The following DIS3L2 variants were observed in gnomAD, a reference collection of about 807,000 sequenced individuals.
The protein encoded by DIS3L2 is DIS3 like 3'-5' exoribonuclease 2, also known as DIS3-like exonuclease 2.
Under a neutral mutation model 97.5 loss-of-function variants are expected in DIS3L2, and 34 were observed. The observed-to-expected ratio is 0.35, with a 90% CI of 0.27 to 0.46. The LOEUF (loss-of-function observed/expected upper bound fraction) is 0.46, where lower values mean the gene tolerates loss of function less well. Ranked by LOEUF, DIS3L2 falls within the 20% of genes least tolerant of loss-of-function variation. The pLI, the probability that DIS3L2 is intolerant of heterozygous loss-of-function variation, is 1.00. For missense variants in DIS3L2, 1,038 were observed against 1,146.0 expected, an observed-to-expected ratio of 0.91 and a Z score of 1.36; for synonymous variants, 435 against 445.2, an observed-to-expected ratio of 0.98 and a Z score of 0.29.
intron 5 of DIS3L2, among the ~76,000 whole-genome samples, chr2:232,045,314 G>A (rs528344284): frequency 2.6e-5 from 4 of 152,298 alleles, no homozygotes; most frequent in African/African-American, 7.2e-5. Context: ...CAGCTTTGTT[G>A]GGGATGTTTC....
chr2:232,024,808 CTT>C (rs1257591830), intron 4 of DIS3L2, among the ~76,000 whole-genome samples: 2 of 151,900 alleles, frequency 1.3e-5, no homozygotes, highest in East Asian at 3.9e-4. Context: ...GGTGATAAAA[CTT>C]TGTACAAGGC....
At chr2:232,192,725 G>C (rs1030808193) in intron 9 of DIS3L2, among the ~76,000 whole-genome samples, 2 of 152,218 alleles carry the variant, frequency 1.3e-5, no homozygotes. Flanking sequence ...AAGTGTTAGA[G>C]AAAGCCAGGA....
At chr2:232,232,471 G>A (rs925372802) in intron 10 of DIS3L2, among the ~76,000 whole-genome samples, 13 of 152,176 alleles carry the variant, frequency 8.5e-5, no homozygotes, top group African/African-American at 3.1e-4. Flanking sequence ...ACAGTGGTGG[G>A]AAGGAAGACA....
At chr2:232,127,357 T>A (rs1047463125) in intron 6 of DIS3L2, among the ~76,000 whole-genome samples, 1 of 152,200 alleles carries the variant, frequency 6.6e-6, no homozygotes, top group African/African-American at 2.4e-5. Flanking sequence ...ACCTAATTGC[T>A]AGTGTCAGAA....
intron 13 of DIS3L2, 81 bp from the exon 14 acceptor site, chr2:232,299,959 A>G: frequency 7.0e-7 from 1 of 1,435,102 alleles, no homozygotes; most frequent in South Asian, 1.2e-5. Flanking sequence ...ACTTCGTTTG[A>G]TTTTATTTTT....
chr2:232,278,453 C>G (rs1408479234), intron 13 of DIS3L2, among the ~76,000 whole-genome samples: 1 of 152,130 alleles, frequency 6.6e-6, no homozygotes, highest in African/African-American at 2.4e-5. Context: ...TCCCACGTGC[C>G]CCTCTGTAGT....
Position 232,246,909 on chromosome 2 carries a change from A to AGTTGACAGAGAAGTTGCAAGGG in DIS3L2, c.1318-2330_1318-2329insGTTGACAGAGAAGTTGCAAGGG, listed in dbSNP as rs199893580. Among the ~76,000 whole-genome samples the AGTTGACAGAGAAGTTGCAAGGG allele has an allele frequency of 1.2e-4, 16 of 129,970 alleles. 3 individuals are homozygous for AGTTGACAGAGAAGTTGCAAGGG. Among genetic ancestry groups the AGTTGACAGAGAAGTTGCAAGGG allele is most frequent in the Middle Eastern group, 3.6e-3 (1 of 274 alleles). 85.3% of individuals were successfully genotyped at this position (129,970 alleles called of 152,430 possible). ...TTTAATAAGCTCATTTATTTTGGAA[A>AGTTGACAGAGAAGTTGCAAGGG]TAGCTAAACTCCTTACTTTATTTGG... is the stretch of plus-strand genomic sequence containing the variant. On this transcript the variant is annotated intron_variant, in intron 11 of 20. Coordinates refer to ENST00000325385, the MANE Select transcript of DIS3L2 (RefSeq NM_152383.5).
In DIS3L2 at chr2:232,087,601, A is replaced by G. The variant is rs2106309471; in HGVS notation, c.481A>G (p.Ser161Gly). Reference protein sequence around the residue: ...PQQSLKSYNDSPDVIVEAQFD... With the variant: ...PQQSLKSYNDGPDVIVEAQFD... Reference sequence around the variant, plus strand: ...ACAGTCCCTGAAAAGCTATAATGACAGTCCTGATGTCATTGTAGAGGCTCA... The same window carrying G: ...ACAGTCCCTGAAAAGCTATAATGACGGTCCTGATGTCATTGTAGAGGCTCA... The change falls in exon 6 of 21, where the codon AGT (serine) becomes GGT (glycine). Residue 161 changes from serine to glycine, a missense_variant. Coordinates refer to ENST00000325385, the MANE Select transcript of DIS3L2 (RefSeq NM_152383.5). The G allele has an allele frequency of 2.5e-6, 4 of 1,614,192 alleles. No homozygotes were observed. The highest frequency in any genetic ancestry group is 1.3e-5 in the African/African-American group (1 of 75,050).
rs1415190078 is a variant in DIS3L2 at position 232,154,457 on chromosome 2, C to G, written c.951-9002C>G. Among the ~76,000 whole-genome samples, 133 of 25,632 alleles carry G rather than the reference C, an allele frequency of 5.2e-3. 1 individual carries two copies. The highest frequency in any genetic ancestry group is 0.014 in the South Asian group (10 of 736). The allele number at this position is 25,632 out of a possible 152,430, so 16.8% of individuals were successfully genotyped here. A position where few individuals can be genotyped will look rare whatever the true frequency, so the allele number is the denominator to read the frequency against. On this transcript the variant is annotated intron_variant, in intron 8 of 20. Transcript: ENST00000325385. ...TCAGCTGCAGGTCTGTTGGAATACC[C>G]TGCCGTGTGAGGTGTCAGTGTGCCC... is the stretch of plus-strand genomic sequence containing the variant.
chr2:232,169,317 G>A (rs934958742), intron 9 of DIS3L2, among the ~76,000 whole-genome samples: 3 of 151,734 alleles, frequency 2.0e-5, no homozygotes, highest in Admixed American at 1.3e-4. Context: ...TTTATATATA[G>A]TATATGTCAT....
chr2:232,154,859 C>A (rs1207980319), intron 8 of DIS3L2, among the ~76,000 whole-genome samples: 1 of 60,736 alleles, frequency 1.6e-5, no homozygotes, highest in Non-Finnish European at 3.1e-5. Flanking sequence ...AGCGAGATTC[C>A]GTGGGCGTAG....
exon 14 of DIS3L2, chr2:232,343,791 A>G: frequency 1.9e-6 from 1 of 540,022 alleles, no homozygotes; most frequent in Non-Finnish European, 3.4e-6. Context: ...AGCAGATGCC[A>G]GGAAAGCCAA....
At chr2:232,256,933 C>T (rs1310113473) in intron 12 of DIS3L2, among the ~76,000 whole-genome samples, 1 of 152,108 alleles carries the variant, frequency 6.6e-6, no homozygotes, top group African/African-American at 2.4e-5. Flanking sequence ...GCTTGGCCAA[C>T]ATGGTGAAAC....
At chr2:232,304,895 CCTT>C (rs1231417257) in intron 14 of DIS3L2, among the ~76,000 whole-genome samples, 2 of 152,088 alleles carry the variant, frequency 1.3e-5, no homozygotes, top group Non-Finnish European at 2.9e-5. Context: ...TCTAATCTCT[CCTT>C]CTGGAACTTG....
chr2:232,124,447 A>G (rs1697997259), intron 6 of DIS3L2, among the ~76,000 whole-genome samples: 1 of 152,192 alleles, frequency 6.6e-6, no homozygotes, highest in South Asian at 2.1e-4. Context: ...TTTTGAAGAG[A>G]AAAAGTCAGT....
chr2:232,329,785 T>TCCCGGGGGCCA, intron 14 of DIS3L2, 28 bp from the exon 15 acceptor site: 1 of 967,144 alleles, frequency 1.0e-6, no homozygotes, highest in Non-Finnish European at 1.5e-6. Context: ...ACCCCAGCGG[T>TCCCGGGGGCCA]CCCTCCCATC....
chr2:232,070,233 G>T (rs945129368), intron 5 of DIS3L2, among the ~76,000 whole-genome samples: 4 of 152,110 alleles, frequency 2.6e-5, no homozygotes, highest in Non-Finnish European at 5.9e-5. Context: ...GCCACTGCAC[G>T]CCAGCCTGGG....
intron 10 of DIS3L2, among the ~76,000 whole-genome samples, chr2:232,216,526 C>T (rs919590377): frequency 5.3e-5 from 8 of 152,306 alleles, no homozygotes; most frequent in Middle Eastern, 3.4e-3. Flanking sequence ...TCACCTTCTC[C>T]GTGAAGCCTC....
chr2:232,238,686 A>G (rs2106252453), intron 11 of DIS3L2, 41 bp downstream of exon 11: 2 of 1,543,042 alleles, frequency 1.3e-6, no homozygotes, highest in East Asian at 4.6e-5. Context: ...TGCTTTGTTT[A>G]TTTGTTTGTT....
Sources: gnomAD v4.1 joint callset for allele counts (sites outside exome capture counted in the v4.1 genomes callset) on GRCh38, gnomAD v4.1.1 for gene constraint, MANE v1.5 for transcripts, NCBI Gene and HGNC (gene_info 2026-07-23, HGNC 2026-07-21) for gene names.